Variants in VPS13B observed in about 807,000 individuals in gnomAD.
VPS13B encodes vacuolar protein sorting 13 homolog B.
Under a neutral mutation model 426.4 loss-of-function variants are expected in VPS13B, and 285 were observed. The observed-to-expected ratio is 0.67, with a 90% CI of 0.61 to 0.74. The LOEUF is 0.74. VPS13B is among the 30% of genes least tolerant of loss of function. The probability of loss-of-function intolerance (pLI) is 0.00; values close to 1 mark genes in which losing one functional copy is unlikely to be tolerated. For synonymous variants in VPS13B, 1,676 were observed against 1,676.4 expected (o/e 1.00, Z 0.01); for missense variants, 4,537 against 4,782.6 (o/e 0.95, Z 1.51).
chr8:99,013,532 C>T (rs1366018840), intron 1 of VPS13B, among the ~76,000 whole-genome samples, 185 bp downstream of exon 1: 1 of 152,168 alleles, frequency 6.6e-6, no homozygotes, highest in Non-Finnish European at 1.5e-5. Flanking sequence ...CTGAGGGACC[C>T]GCTCTCTTCT....
intron 35 of VPS13B, among the ~76,000 whole-genome samples, chr8:99,668,465 T>G (rs1830575148): frequency 6.6e-6 from 1 of 152,194 alleles, no homozygotes; most frequent in Non-Finnish European, 1.5e-5. Context: ...CTTTTGAAAT[T>G]TAGCCTTTTA....
intron 29 of VPS13B, among the ~76,000 whole-genome samples, chr8:99,516,389 ATG>A (rs1332346768): frequency 6.6e-6 from 1 of 152,188 alleles, no homozygotes; most frequent in Admixed American, 6.5e-5. Context: ...TTAGAAATAA[ATG>A]TCATTAATGA....
chr8:99,619,499 G>C (rs990635947), intron 33 of VPS13B, among the ~76,000 whole-genome samples: 7 of 152,278 alleles, frequency 4.6e-5, no homozygotes, highest in Middle Eastern at 3.4e-3. Flanking sequence ...AGCTTTTAGA[G>C]ACCTCTTCTG....
At chr8:99,542,837 T>G (rs911843389) in intron 30 of VPS13B, among the ~76,000 whole-genome samples, 1 of 152,190 alleles carries the variant, frequency 6.6e-6, no homozygotes, top group African/African-American at 2.4e-5. Flanking sequence ...CTCATAGGGT[T>G]GTTATGAGGA....
chr8:99,554,418 T>C (rs1237547688), intron 30 of VPS13B, among the ~76,000 whole-genome samples: 1 of 152,126 alleles, frequency 6.6e-6, no homozygotes, highest in African/African-American at 2.4e-5. Flanking sequence ...TGGCCCTGAT[T>C]CAAAAGTTTA....
intron 23 of VPS13B, among the ~76,000 whole-genome samples, chr8:99,451,041 G>A (rs930228952): frequency 1.3e-5 from 2 of 152,112 alleles, no homozygotes; most frequent in Non-Finnish European, 2.9e-5. Context: ...GATTATCATT[G>A]TGAATGCAAC....
At chr8:99,666,582 G>A (rs1431627023) in intron 35 of VPS13B, among the ~76,000 whole-genome samples, 2 of 152,228 alleles carry the variant, frequency 1.3e-5, no homozygotes, top group East Asian at 3.9e-4. Flanking sequence ...AATAGATGCA[G>A]AAAAGGCCTT....
intron 17 of VPS13B, among the ~76,000 whole-genome samples, chr8:99,253,236 T>A (rs1479870228): frequency 1.3e-5 from 2 of 152,180 alleles, no homozygotes; most frequent in Non-Finnish European, 2.9e-5. Context: ...CTCCATTCAT[T>A]AAGAGTTAGA....
At chr8:99,361,031 AC>A (rs1293108420) in intron 19 of VPS13B, among the ~76,000 whole-genome samples, 1 of 152,210 alleles carries the variant, frequency 6.6e-6, no homozygotes, top group East Asian at 1.9e-4. Flanking sequence ...AGGGGAGACA[AC>A]ACTGGGATTG....
At chr8:99,180,815 G>A (rs900983332) in intron 16 of VPS13B, among the ~76,000 whole-genome samples, 17 of 152,130 alleles carry the variant, frequency 1.1e-4, no homozygotes, top group African/African-American at 3.6e-4. Flanking sequence ...TAAAAGCAAC[G>A]TAAGTAGGTA....
In VPS13B at chr8:99,861,942, G is replaced by T. The variant is rs1195872726; in HGVS notation, c.11211G>T (p.Leu3737=). ...GCCTGTCCCGGCTGGGCATCAGCCT[G>T]CTTGGTAAGGGGCTGCGGGGCCTCC... ...RQGLSRLGIS[L]LGAIAGIVDQ... is the part of the protein sequence containing the mutation. The change falls in exon 58 of 62, where the codon CTG becomes CTT. Residue 3737 remains leucine (L), a synonymous_variant. Transcript: ENST00000357162. The T allele has an allele frequency of 6.3e-7, 1 of 1,590,496 alleles. No individual in the cohort carries two copies. Among genetic ancestry groups the T allele is most frequent in the South Asian group, 1.1e-5 (1 of 87,392 alleles).
Position 99,135,634 on chromosome 8 carries a change from G to A in VPS13B, c.1464G>A (p.Thr488=), listed in dbSNP as rs727504217. The change falls in exon 11 of 62, where the codon ACG becomes ACA. Residue 488 remains threonine (T), a synonymous_variant. Coordinates refer to ENST00000357162, the MANE Select transcript of VPS13B (RefSeq NM_152564.5). ...CFFICGDNLS[T]KGFTYLTNSL... ...TCATTTGTGGTGACAATTTGAGTAC[G>A]AAAGGTTTCACATACCTTACAAATT... The A allele has an allele frequency of 1.5e-5, 25 of 1,613,272 alleles. No homozygotes were observed. The African/African-American group carries it at 2.1e-4, about 14-fold the overall frequency.
chr8:99,089,274 G>GT (rs1846016237), intron 3 of VPS13B, among the ~76,000 whole-genome samples: 1 of 151,982 alleles, frequency 6.6e-6, no homozygotes, highest in South Asian at 2.1e-4. Context: ...GTGTTACAAT[G>GT]TTTTTTCTGT....
At chr8:99,350,034 AG>A (rs1382573005) in intron 19 of VPS13B, among the ~76,000 whole-genome samples, 3 of 152,230 alleles carry the variant, frequency 2.0e-5, no homozygotes, top group African/African-American at 7.2e-5. Flanking sequence ...GAGATTATAC[AG>A]TCAGAGGTTC....
At chr8:99,213,279 C>T (rs1310968660) in intron 17 of VPS13B, among the ~76,000 whole-genome samples, 2 of 151,854 alleles carry the variant, frequency 1.3e-5, no homozygotes, top group Non-Finnish European at 2.9e-5. Flanking sequence ...TTATTACTAC[C>T]TAATTCTAAT....
rs187533956 is a variant in VPS13B at position 99,677,365 on chromosome 8, A to G, written c.6046+15874A>G. On this transcript the variant is annotated intron_variant, in intron 35 of 61. Coordinates refer to ENST00000357162, the MANE Select transcript of VPS13B (RefSeq NM_152564.5). ...AAACTGTAAGGACCTTGACTTTTAC[A>G]TTTCCTGAATTTTATGGGTTCCAAT... Among the ~76,000 whole-genome samples, 25 of 152,278 alleles carry G rather than the reference A, an allele frequency of 1.6e-4. No individual in the cohort carries two copies. In the East Asian group the frequency reaches 4.1e-3, roughly 25 times the overall value.
At chr8:99,187,751 T>C (rs1160560323) in intron 16 of VPS13B, among the ~76,000 whole-genome samples, 1 of 152,134 alleles carries the variant, frequency 6.6e-6, no homozygotes, top group Non-Finnish European at 1.5e-5. Flanking sequence ...GGATGATTGC[T>C]TGAGCCCAGG....
chr8:99,121,277 G>A lies in VPS13B; in HGVS notation c.1038G>A (p.Val346=). 2 of 1,614,208 alleles carry A rather than the reference G, an allele frequency of 1.2e-6. No homozygotes were observed. Among genetic ancestry groups the A allele is most frequent in the Non-Finnish European group, 1.7e-6 (2 of 1,180,036 alleles). ...ATGAGGAGCAGCCACAGGGATGGGT[G>A]TCATGGGCCTGGTCCTTTGTGCCTG... ...QQDEEQPQGW[V]SWAWSFVPAI... is the part of the protein sequence containing the mutation. The change falls in exon 8 of 62, where the codon GTG becomes GTA. Residue 346 remains valine (V), a synonymous_variant. Coordinates refer to ENST00000357162, the MANE Select transcript of VPS13B (RefSeq NM_152564.5).
chr8:99,540,034 TATATATATATATATATATATATATATA>T (rs1563784902), intron 30 of VPS13B, among the ~76,000 whole-genome samples: 39 of 3,666 alleles, frequency 0.011, 1 homozygote, highest in African/African-American at 0.013. Flanking sequence ...TATATATATA[TATATATATATATATATATATATATATA>T]TATTTTTTTT....
Sources: allele counts gnomAD v4.1 joint callset (sites outside exome capture counted in the v4.1 genomes callset), GRCh38; gene constraint gnomAD v4.1.1; transcripts MANE v1.5; gene names NCBI Gene and HGNC (gene_info 2026-07-23, HGNC 2026-07-21).